Variants in ST7 observed in about 807,000 individuals in gnomAD.
The protein encoded by ST7 is suppressor of tumorigenicity 7 protein.
Under a neutral mutation model 78.7 loss-of-function variants are expected in ST7, and 28 were observed. The observed-to-expected ratio is 0.36, with a 90% CI of 0.26 to 0.49. The LOEUF (loss-of-function observed/expected upper bound fraction) is 0.49. ST7 is among the 20% of genes least tolerant of loss of function. ST7 has a pLI of 0.99. For synonymous variants in ST7, 247 were observed against 249.6 expected (o/e 0.99, Z 0.10); for missense variants, 418 against 696.0 (o/e 0.60, Z 4.49).
chr7:117,151,556 T>A (rs958790675), intron 9 of ST7, among the ~76,000 whole-genome samples: 2 of 152,194 alleles, frequency 1.3e-5, no homozygotes, highest in African/African-American at 4.8e-5. Flanking sequence ...TTTTTTCTTA[T>A]CTATTTTTCT....
At chr7:116,994,241 A>C (rs1015311396) in intron 1 of ST7, among the ~76,000 whole-genome samples, 1 of 152,206 alleles carries the variant, frequency 6.6e-6, no homozygotes, top group Non-Finnish European at 1.5e-5. Context: ...AGCCTAATTT[A>C]AGAGGAATCA....
At chr7:117,008,237 T>G (rs1466978890) in intron 1 of ST7, among the ~76,000 whole-genome samples, 2 of 152,180 alleles carry the variant, frequency 1.3e-5, no homozygotes, top group Admixed American at 1.3e-4. Context: ...TCAGAAATAA[T>G]TTTAAGTTCT....
At chr7:117,018,124 T>C in intron 1 of ST7, among the ~76,000 whole-genome samples, 1 of 152,184 alleles carries the variant, frequency 6.6e-6, no homozygotes. Context: ...AAAGCAGTTA[T>C]TACATGTAGA....
At chr7:117,207,359 G>A (rs1179599419) in intron 12 of ST7, among the ~76,000 whole-genome samples, 1 of 151,856 alleles carries the variant, frequency 6.6e-6, no homozygotes, top group Non-Finnish European at 1.5e-5. Context: ...GGCCAGGCTG[G>A]TCTTGAACTC....
intron 1 of ST7, among the ~76,000 whole-genome samples, chr7:117,098,003 T>G (rs1285341618): frequency 6.8e-6 from 1 of 147,722 alleles, no homozygotes; most frequent in Non-Finnish European, 1.5e-5. Context: ...TGACTACTTC[T>G]GTGCCTTCTT....
intron 1 of ST7, chr7:116,972,891 G>A (rs1225613169): frequency 3.8e-6 from 5 of 1,323,244 alleles, no homozygotes; most frequent in Non-Finnish European, 5.3e-6. Flanking sequence ...TAACCGCCTC[G>A]ATGGTGGTGA....
intron 1 of ST7, among the ~76,000 whole-genome samples, chr7:117,055,362 C>A (rs1798008042): frequency 6.6e-6 from 1 of 152,070 alleles, no homozygotes; most frequent in Admixed American, 6.6e-5. Context: ...GACACCACAC[C>A]TGGCTAATTT....
At chr7:117,109,565 C>CA (rs1433661752) in intron 2 of ST7, among the ~76,000 whole-genome samples, 1 of 151,540 alleles carries the variant, frequency 6.6e-6, no homozygotes, top group Non-Finnish European at 1.5e-5. Flanking sequence ...AAGTTACCAA[C>CA]AAAAAAAAGT....
chr7:116,975,142 T>C (rs9770475), intron 1 of ST7, among the ~76,000 whole-genome samples: 144,212 of 152,264 alleles, frequency 0.95, 68,818 homozygotes, highest in East Asian at 1. Flanking sequence ...TTCATAGTCA[T>C]GGCAGAAGGC....
At chr7:116,978,467 G>C (rs1474246728) in intron 1 of ST7, among the ~76,000 whole-genome samples, 1 of 152,168 alleles carries the variant, frequency 6.6e-6, no homozygotes, top group East Asian at 1.9e-4. Flanking sequence ...GGGATAGTGG[G>C]ATAAATTAAA....
intron 15 of ST7, among the ~76,000 whole-genome samples, chr7:117,224,313 A>C (rs1268212427): frequency 6.6e-6 from 1 of 152,138 alleles, no homozygotes; most frequent in Non-Finnish European, 1.5e-5. Context: ...TCCAGGTAGA[A>C]TATCTTACAT....
chr7:117,054,608 A>G (rs1256768027), intron 1 of ST7, among the ~76,000 whole-genome samples: 1 of 152,226 alleles, frequency 6.6e-6, no homozygotes, highest in Non-Finnish European at 1.5e-5. Flanking sequence ...TGTCTGTGCT[A>G]TAAATGTGCT....
chr7:117,188,797 C>T (rs1023964529), intron 10 of ST7, among the ~76,000 whole-genome samples: 4 of 148,168 alleles, frequency 2.7e-5, no homozygotes, highest in African/African-American at 1.1e-4. Flanking sequence ...ACATTTTTAA[C>T]AAGCACTATT....
chr7:116,994,781 G>C (rs947199370), intron 1 of ST7, among the ~76,000 whole-genome samples: 1 of 152,260 alleles, frequency 6.6e-6, no homozygotes, highest in Non-Finnish European at 1.5e-5. Context: ...TGTGGAACAT[G>C]AAGTGCTAAC....
chr7:116,980,647 T>TA (rs1793918061), intron 1 of ST7, among the ~76,000 whole-genome samples: 1 of 152,206 alleles, frequency 6.6e-6, no homozygotes, highest in Non-Finnish European at 1.5e-5. Context: ...CACTCACCTT[T>TA]AAGTTAAAAT....
At chr7:117,181,119 T>G (rs1808725636) in intron 10 of ST7, among the ~76,000 whole-genome samples, 1 of 152,004 alleles carries the variant, frequency 6.6e-6, no homozygotes, top group Non-Finnish European at 1.5e-5. Context: ...AAGTTGAAAT[T>G]GCAATTAGTC....
chr7:117,017,875 T>C (rs1008876312), intron 1 of ST7, among the ~76,000 whole-genome samples: 2 of 152,108 alleles, frequency 1.3e-5, no homozygotes, highest in Admixed American at 6.5e-5. Flanking sequence ...GAAATCTTCA[T>C]AGGAGTCAGA....
chr7:117,044,314 G>T (rs536707265), intron 1 of ST7, among the ~76,000 whole-genome samples: 1 of 152,274 alleles, frequency 6.6e-6, no homozygotes, highest in Admixed American at 6.5e-5. Context: ...AGCATCATTT[G>T]AAAGCTCGGC....
Position 117,170,944 on chromosome 7 carries a change from C to G in ST7, c.1046C>G (p.Ala349Gly). The change falls in exon 10 of 16, where the codon GCT becomes GGT. Residue 349 changes from alanine to glycine, a missense_variant. Physicochemically the swap from Ala to Gly is moderately conservative, Grantham distance 60. Around this residue, in one of 4 missense-constraint regions of ST7, gnomAD observed 288 missense variants for 537.1 expected, o/e 0.54. Transcript: ENST00000323984. Reference protein sequence around the residue: ...LEALLELQAYADVQAVLAKYD... With the variant: ...LEALLELQAYGDVQAVLAKYD... Reference sequence around the variant, plus strand: ...GCCCTTCTGGAACTACAAGCATATGCTGATGTTCAGGCAGTCTTAGCAAAG... The same window carrying G: ...GCCCTTCTGGAACTACAAGCATATGGTGATGTTCAGGCAGTCTTAGCAAAG... The G allele has an allele frequency of 6.2e-7, 1 of 1,611,680 alleles. No individual in the cohort carries two copies. Among genetic ancestry groups the G allele is most frequent in the Non-Finnish European group, 8.5e-7 (1 of 1,178,590 alleles).
Sources: gnomAD v4.1 joint callset for allele counts (sites outside exome capture counted in the v4.1 genomes callset) on GRCh38, gnomAD v4.1.1 for gene constraint, gnomAD v4.1.1 regional missense constraint, MANE v1.5 for transcripts, NCBI Gene and HGNC (gene_info 2026-07-23, HGNC 2026-07-21) for gene names.